Variants in LRRD1 observed in about 807,000 individuals in gnomAD.
The protein encoded by LRRD1 is leucine-rich repeat and death domain-containing protein 1.
Under a neutral mutation model 69.5 loss-of-function variants are expected in LRRD1, and 49 were observed. The observed-to-expected ratio is 0.70, with a 90% CI of 0.56 to 0.89. The LOEUF is 0.89. Ranked by LOEUF, LRRD1 falls within the 40% of genes least tolerant of loss-of-function variation. LRRD1 has a pLI of 0.00. For synonymous variants in LRRD1, 303 were observed against 338.9 expected (o/e 0.89, Z 1.16); for missense variants, 853 against 956.0 (o/e 0.89, Z 1.42).
chr7:92,171,076 A>G (rs567290909), intron 1 of LRRD1, among the ~76,000 whole-genome samples: 72 of 152,298 alleles, frequency 4.7e-4, no homozygotes, highest in African/African-American at 1.6e-3. Context: ...GTACCAATAC[A>G]GGCCTATATA....
chr7:92,172,159 G>A (rs978944489), intron 1 of LRRD1, among the ~76,000 whole-genome samples: 11 of 152,008 alleles, frequency 7.2e-5, no homozygotes, highest in African/African-American at 2.2e-4. Flanking sequence ...CCCAACATCC[G>A]TTTATGATAT....
At chr7:92,178,587 T>C (rs1432333941) in intron 1 of LRRD1, among the ~76,000 whole-genome samples, 1 of 151,670 alleles carries the variant, frequency 6.6e-6, no homozygotes, top group Non-Finnish European at 1.5e-5. Context: ...GGAGAATTAC[T>C]TGAACCCAGG....
intron 1 of LRRD1, among the ~76,000 whole-genome samples, chr7:92,177,065 A>G (rs1383815477): frequency 6.7e-6 from 1 of 149,554 alleles, no homozygotes; most frequent in Non-Finnish European, 1.5e-5. Flanking sequence ...ATATATTACT[A>G]ATTACTATAG....
In LRRD1 at chr7:92,154,562, T is replaced by C. The variant is rs1007882698; in HGVS notation, c.2117-3867A>G. Among the ~76,000 whole-genome samples, 9 of 141,402 alleles carry C rather than the reference T, an allele frequency of 6.4e-5. No homozygotes were observed. The East Asian group carries it at 1.6e-3, about 25-fold the overall frequency. 92.8% of individuals were successfully genotyped at this position (141,402 alleles called of 152,430 possible). A position where few individuals can be genotyped will look rare whatever the true frequency, so the allele number is the denominator to read the frequency against. ...ACCCAGCCTTTTAATATTTTTTCAC[T>C]TTTTTTTTTTTGCAAAACAATATTT... On this transcript the variant is annotated intron_variant, in intron 3 of 5. Coordinates refer to ENST00000458448, the MANE Select transcript of LRRD1 (RefSeq NM_001161528.2).
intron 2 of LRRD1, among the ~76,000 whole-genome samples, chr7:92,162,901 G>A (rs976233155): frequency 2.0e-5 from 3 of 152,168 alleles, no homozygotes; most frequent in South Asian, 2.1e-4. Context: ...ACGTATGCCC[G>A]TAGTTATAAT....
rs920475473 is a variant in LRRD1 at position 92,153,777 on chromosome 7, G to A, written c.2117-3082C>T. Among the ~76,000 whole-genome samples, 6 of 151,496 alleles carry A rather than the reference G, an allele frequency of 4.0e-5. No homozygotes were observed. The East Asian group carries it at 5.9e-4, about 15-fold the overall frequency. Reference sequence around the variant, plus strand: ...GCAGAAGCTGCAGTGAGCCTAGATCGTGCCACTGCACTCCAGGCTGGATGA... The same window carrying A: ...GCAGAAGCTGCAGTGAGCCTAGATCATGCCACTGCACTCCAGGCTGGATGA... On this transcript the variant is annotated intron_variant, in intron 3 of 5. Coordinates refer to ENST00000458448, the MANE Select transcript of LRRD1 (RefSeq NM_001161528.2).
At position 92,163,290 on chromosome 7, in the gene LRRD1, C is replaced by G; in HGVS notation, c.1913G>C (p.Arg638Thr). The change falls in exon 2 of 6, where the codon AGA becomes ACA. Residue 638 changes from arginine (R) to threonine (T), a missense_variant. Coordinates refer to ENST00000458448, the MANE Select transcript of LRRD1 (RefSeq NM_001161528.2). ...CCCACAATACCAGTCTCTTACCTTT[C>G]TCCCTTTTATCTGACTTATATTCAG... ...EQLNISQIKG[R>T]KLTRLPGELS... The G allele has an allele frequency of 6.9e-7, 1 of 1,455,950 alleles. No individual in the cohort carries two copies. The highest frequency in any genetic ancestry group is 9.1e-7 in the Non-Finnish European group (1 of 1,104,438). 90.2% of individuals were successfully genotyped at this position (1,455,950 alleles called of 1,614,324 possible). A position where few individuals can be genotyped will look rare whatever the true frequency, so the allele number is the denominator to read the frequency against.
downstream of LRRD1, among the ~76,000 whole-genome samples, chr7:92,144,574 C>A (rs1230574112): frequency 2.1e-5 from 3 of 144,868 alleles, no homozygotes; most frequent in Non-Finnish European, 4.5e-5. Context: ...TTGCAGTGAG[C>A]CAAGATCACA....
chr7:92,152,513 T>C (rs1198685988), intron 3 of LRRD1, among the ~76,000 whole-genome samples: 3 of 152,164 alleles, frequency 2.0e-5, no homozygotes, highest in African/African-American at 7.2e-5. Flanking sequence ...TGAAGTGAGA[T>C]TGATGGTTTG....
chr7:92,144,733 A>T (rs1285494983), downstream of LRRD1: 2 of 435,942 alleles, frequency 4.6e-6, no homozygotes, highest in Admixed American at 7.8e-5. Flanking sequence ...TTATTATAAC[A>T]TTAGAGTGAT....
At chr7:92,149,834 T>C (rs1039644345) in intron 4 of LRRD1, 12 of 439,306 alleles carry the variant, frequency 2.7e-5, no homozygotes, top group Admixed American at 1.2e-4. Context: ...ATTACAGGCA[T>C]GAGCCACCAC....
At chr7:92,153,578 T>G (rs572757255) in intron 3 of LRRD1, among the ~76,000 whole-genome samples, 13 of 151,548 alleles carry the variant, frequency 8.6e-5, no homozygotes, top group African/African-American at 3.1e-4. Flanking sequence ...GCCTATAATC[T>G]CAGCACTTTG....
intron 1 of LRRD1, among the ~76,000 whole-genome samples, chr7:92,169,893 G>T (rs1253104885): frequency 6.6e-6 from 1 of 150,562 alleles, no homozygotes; most frequent in Non-Finnish European, 1.5e-5. Context: ...AACATAGCAA[G>T]ACCTCATCTC....
In LRRD1 at chr7:92,144,893, A is replaced by G. The variant is rs1425933582; in HGVS notation, c.2578T>C (p.Phe860Leu). ...ALNLFTRAIKF is the reference protein window; with the variant it reads ...ALNLFTRAIKL Reference sequence around the variant, plus strand: ...TTTTATTATTGATCCACTGGTTAGAATTTAATTGCACGCGTAAAAAGATTT... The same window carrying G: ...TTTTATTATTGATCCACTGGTTAGAGTTTAATTGCACGCGTAAAAAGATTT... The change falls in exon 6 of 6, where the codon TTC becomes CTC. Residue 860 changes from phenylalanine to leucine, a missense_variant. This residue lies in a region of LRRD1 where 739 missense variants were observed against 808.0 expected (regional missense o/e 0.91). Coordinates refer to ENST00000458448, the MANE Select transcript of LRRD1 (RefSeq NM_001161528.2). 1 of 1,481,372 alleles carries G rather than the reference A, an allele frequency of 6.8e-7. No homozygotes were observed. Among genetic ancestry groups the G allele is most frequent in the Non-Finnish European group, 9.0e-7 (1 of 1,106,228 alleles). The allele number at this position is 1,481,372 out of a possible 1,614,324, so 91.8% of individuals were successfully genotyped here. A position where few individuals can be genotyped will look rare whatever the true frequency, so the allele number is the denominator to read the frequency against.
At chr7:92,157,219 G>A (rs1788680016) in intron 3 of LRRD1, among the ~76,000 whole-genome samples, 1 of 151,858 alleles carries the variant, frequency 6.6e-6, no homozygotes, top group African/African-American at 2.4e-5. Context: ...TACTTACAGT[G>A]AGAAGTTCAC....
chr7:92,142,445 A>G (rs759063211), downstream of LRRD1: 2 of 456,742 alleles, frequency 4.4e-6, no homozygotes, highest in South Asian at 1.5e-5. Context: ...TACCAAGACT[A>G]AAAGACTCAT....
In LRRD1 at chr7:92,163,408, A is replaced by C. The variant is rs546737486; in HGVS notation, c.1795T>G (p.Cys599Gly). Residue 599 changes from cysteine (C) to glycine (G), a missense_variant, in exon 2 of 6, where the codon TGT becomes GGT. Physicochemically the swap from Cys to Gly is radical, Grantham distance 159 (BLOSUM62 -3). This residue lies in a region of LRRD1 where 739 missense variants were observed against 808.0 expected (regional missense o/e 0.91). Transcript: ENST00000458448. ...NQLQKISSDI[C>G]NLKGIQKLNF... is the part of the protein sequence containing the mutation. ...AATTTCTGGATTCCTTTTAAATTAC[A>C]GATGTCTGAAGAGATTTTCTGTAAT... is the stretch of plus-strand genomic sequence containing the variant. The C allele has an allele frequency of 2.1e-5, 33 of 1,547,700 alleles. No individual in the cohort carries two copies. In the African/African-American group the frequency reaches 3.2e-4, roughly 15 times the overall value.
chr7:92,156,598 T>C (rs1788663030), intron 3 of LRRD1, among the ~76,000 whole-genome samples: 1 of 152,248 alleles, frequency 6.6e-6, no homozygotes, highest in Non-Finnish European at 1.5e-5. Flanking sequence ...CATTTCTTGC[T>C]AGTCTGTAGA....
At position 92,164,782 on chromosome 7, in the gene LRRD1, C is replaced by A; in HGVS notation, c.421G>T (p.Ala141Ser). The change falls in exon 2 of 6, where the codon GCA becomes TCA. Residue 141 changes from alanine (A) to serine (S), a missense_variant. Transcript: ENST00000458448. ...EENQKQLGLGADNFTVNLEAK... is the reference protein window; with the variant it reads ...EENQKQLGLGSDNFTVNLEAK... Reference sequence around the variant, plus strand: ...TCAAGGTTAACTGTAAAGTTATCTGCCCCTAGGCCAAGTTGTTTCTGATTT... The same window carrying A: ...TCAAGGTTAACTGTAAAGTTATCTGACCCTAGGCCAAGTTGTTTCTGATTT... 1 of 1,551,492 alleles carries A rather than the reference C, an allele frequency of 6.4e-7. No homozygotes were observed. Among genetic ancestry groups the A allele is most frequent in the Non-Finnish European group, 8.7e-7 (1 of 1,146,902 alleles).
Sources: gnomAD v4.1 joint callset for allele counts (sites outside exome capture counted in the v4.1 genomes callset) on GRCh38, gnomAD v4.1.1 for gene constraint, gnomAD v4.1.1 regional missense constraint, MANE v1.5 for transcripts, NCBI Gene and HGNC (gene_info 2026-07-23, HGNC 2026-07-21) for gene names.